PTPRM: variants seen among roughly 807,000 people sequenced by gnomAD.
PTPRM encodes protein tyrosine phosphatase receptor type M.
Under a neutral mutation model 186.7 loss-of-function variants are expected in PTPRM, and 47 were observed. The ratio of observed to expected loss-of-function variants is 0.25; its 90% CI spans 0.20 to 0.32. The LOEUF (loss-of-function observed/expected upper bound fraction) is 0.32. Among genes scored for constraint, PTPRM ranks in the 10% least tolerant of loss-of-function variants. The probability of loss-of-function intolerance (pLI) is 1.00; values close to 1 mark genes in which losing one functional copy is unlikely to be tolerated. For synonymous variants in PTPRM, 668 were observed against 674.9 expected, an observed-to-expected ratio of 0.99 and a Z score of 0.16; for missense variants, 1,494 against 1,865.0, an observed-to-expected ratio of 0.80 and a Z score of 3.66.
chr18:8,092,835 CA>C, intron 11 of PTPRM, among the ~76,000 whole-genome samples: 1 of 151,992 alleles, frequency 6.6e-6, no homozygotes, highest in Non-Finnish European at 1.5e-5. Flanking sequence ...AACAAACAAA[CA>C]AAAAACATAG....
At chr18:8,206,268 A>ATTTTATTTTTTTTTTTTTTTTTT (rs1238112461) in intron 14 of PTPRM, among the ~76,000 whole-genome samples, 1 of 149,090 alleles carries the variant, frequency 6.7e-6, no homozygotes, top group African/African-American at 2.6e-5. Context: ...ATTTTATTTT[A>ATTTTATTTTTTTTTTTTTTTTTT]TTTTGAGACG....
At chr18:8,186,555 G>C (rs1286371317) in intron 14 of PTPRM, among the ~76,000 whole-genome samples, 1 of 152,122 alleles carries the variant, frequency 6.6e-6, no homozygotes, top group Non-Finnish European at 1.5e-5. Flanking sequence ...CTTTGTTTCT[G>C]CTTTCAGAGC....
chr18:8,315,354 G>A (rs2095301750), intron 21 of PTPRM, among the ~76,000 whole-genome samples: 2 of 152,282 alleles, frequency 1.3e-5, no homozygotes, highest in East Asian at 3.9e-4. Flanking sequence ...AAAGTAGTCT[G>A]CATCTGTTCA....
chr18:7,938,212 C>A (rs114446908), intron 5 of PTPRM, among the ~76,000 whole-genome samples: 1 of 152,188 alleles, frequency 6.6e-6, no homozygotes, highest in African/African-American at 2.4e-5. Flanking sequence ...TGAGTGCATA[C>A]TGACAATTCC....
At chr18:7,788,363 T>C (rs1406431742) in intron 2 of PTPRM, among the ~76,000 whole-genome samples, 2 of 152,100 alleles carry the variant, frequency 1.3e-5, no homozygotes, top group Non-Finnish European at 2.9e-5. Flanking sequence ...TCTATGAAGG[T>C]TGAGATTATG....
At chr18:7,657,384 A>G (rs1034659062) in intron 1 of PTPRM, among the ~76,000 whole-genome samples, 5 of 152,132 alleles carry the variant, frequency 3.3e-5, no homozygotes, top group Non-Finnish European at 1.5e-5. Context: ...GTCCTTTCTG[A>G]TGATAGATTG....
chr18:7,816,796 A>G (rs1323022006), intron 2 of PTPRM, among the ~76,000 whole-genome samples: 1 of 152,180 alleles, frequency 6.6e-6, no homozygotes, highest in Non-Finnish European at 1.5e-5. Flanking sequence ...GTTCTGTTGT[A>G]AAAGCAAATT....
intron 20 of PTPRM, among the ~76,000 whole-genome samples, chr18:8,302,494 TG>T (rs572875063): frequency 3.6e-4 from 55 of 151,850 alleles, no homozygotes; most frequent in African/African-American, 8.0e-4. Flanking sequence ...TTAAAGGGGT[TG>T]GGGGGGTGTT....
At chr18:7,598,014 T>TA (rs200664553) in intron 1 of PTPRM, among the ~76,000 whole-genome samples, 1 of 152,044 alleles carries the variant, frequency 6.6e-6, no homozygotes, top group South Asian at 2.1e-4. Flanking sequence ...ATTTTGCCTT[T>TA]AAAAAAAATT....
intron 1 of PTPRM, among the ~76,000 whole-genome samples, chr18:7,757,940 G>A (rs1179492751): frequency 6.6e-6 from 1 of 152,050 alleles, no homozygotes; most frequent in Non-Finnish European, 1.5e-5. Context: ...GCTTCTCAGG[G>A]AAAATTAAGT....
intron 1 of PTPRM, among the ~76,000 whole-genome samples, chr18:7,594,607 A>C (rs536185195): frequency 6.6e-6 from 1 of 152,328 alleles, no homozygotes; most frequent in Non-Finnish European, 1.5e-5. Context: ...GCTGTCCTGC[A>C]GAAGGAAATG....
chr18:8,126,559 ACTGT>A (rs1329686345), intron 13 of PTPRM, among the ~76,000 whole-genome samples: 3 of 152,098 alleles, frequency 2.0e-5, no homozygotes, highest in East Asian at 1.9e-4. Context: ...TACTCTGCTG[ACTGT>A]CTGTCCATTT....
chr18:8,233,286 A>G (rs1568568932), intron 14 of PTPRM, among the ~76,000 whole-genome samples: 1 of 152,176 alleles, frequency 6.6e-6, no homozygotes, highest in Non-Finnish European at 1.5e-5. Flanking sequence ...TCCTATCAAC[A>G]ATGAATGAGG....
At chr18:7,854,470 C>G (rs1283327330) in intron 2 of PTPRM, among the ~76,000 whole-genome samples, 1 of 152,058 alleles carries the variant, frequency 6.6e-6, no homozygotes, top group African/African-American at 2.4e-5. Context: ...GAAATGGAGC[C>G]TAATTTCATT....
At position 8,394,545 on chromosome 18, in the gene PTPRM, A is replaced by G. The variant is rs541383074; in HGVS notation, c.4278A>G (p.Arg1426=). The change falls in exon 32 of 33, where the codon AGA becomes AGG. Residue 1426 remains arginine (R), a synonymous_variant. Coordinates refer to ENST00000580170, the MANE Select transcript of PTPRM (RefSeq NM_001105244.2). ...TATGTGAGATGCTCCGGCACCAGAG[A>G]ACCGTGGATGTCTTTCACGCTGTGA... The part of the protein sequence containing the change: ...SIVCEMLRHQ[R]TVDVFHAVKT... 1 of 1,613,798 alleles carries G rather than the reference A, an allele frequency of 6.2e-7. No individual in the cohort carries two copies. Among genetic ancestry groups the G allele is most frequent in the African/African-American group, 1.3e-5 (1 of 75,002 alleles).
chr18:8,273,270 C>G (rs2094793993), intron 19 of PTPRM, among the ~76,000 whole-genome samples: 2 of 152,180 alleles, frequency 1.3e-5, no homozygotes, highest in South Asian at 4.1e-4. Flanking sequence ...GCTTCTCCCC[C>G]ACCCTACCTT....
At chr18:7,860,510 C>T (rs1054887265) in intron 2 of PTPRM, among the ~76,000 whole-genome samples, 5 of 152,160 alleles carry the variant, frequency 3.3e-5, no homozygotes, top group African/African-American at 9.7e-5. Context: ...CCAGGCAAAG[C>T]ACCTGCTGGT....
intron 1 of PTPRM, among the ~76,000 whole-genome samples, chr18:7,762,078 A>T (rs546788398): frequency 5.9e-5 from 9 of 152,162 alleles, no homozygotes; most frequent in Admixed American, 2.0e-4. Flanking sequence ...GGAGACAGAG[A>T]TGAACAGAAC....
At chr18:7,726,721 A>G (rs2040557159) in intron 1 of PTPRM, among the ~76,000 whole-genome samples, 1 of 152,210 alleles carries the variant, frequency 6.6e-6, no homozygotes, top group Non-Finnish European at 1.5e-5. Flanking sequence ...ATGGTGTTCC[A>G]AACTGGACTG....
Sources: allele counts gnomAD v4.1 joint callset (sites outside exome capture counted in the v4.1 genomes callset), GRCh38; gene constraint gnomAD v4.1.1; transcripts MANE v1.5; gene names NCBI Gene and HGNC (gene_info 2026-07-23, HGNC 2026-07-21).